Variants in BNC2 observed in about 807,000 individuals in gnomAD.
The protein encoded by BNC2 is zinc finger protein basonuclin-2.
A neutral mutation model predicts 76.3 loss-of-function variants in BNC2; 20 were observed. That is an observed-to-expected ratio of 0.26 (90% CI 0.18 to 0.38). The LOEUF (loss-of-function observed/expected upper bound fraction) is 0.38. BNC2 is among the 10% of genes least tolerant of loss of function. The probability of loss-of-function intolerance (pLI) is 1.00; values close to 1 mark genes in which losing one functional copy is unlikely to be tolerated. For missense variants in BNC2, 1,382 were observed against 1,399.8 expected, an observed-to-expected ratio of 0.99 and a Z score of 0.20; for synonymous variants, 582 against 514.8, an observed-to-expected ratio of 1.13 and a Z score of -1.77.
At chr9:16,808,321 C>T (rs1817961348) in intron 1 of BNC2, among the ~76,000 whole-genome samples, 1 of 151,934 alleles carries the variant, frequency 6.6e-6, no homozygotes, top group Non-Finnish European at 1.5e-5. Context: ...ATTTATTTGA[C>T]AAACAGCAGA....
intron 5 of BNC2, among the ~76,000 whole-genome samples, chr9:16,463,496 C>T (rs559000406): frequency 2.2e-4 from 32 of 142,766 alleles, no homozygotes; most frequent in Non-Finnish European, 3.8e-4. Context: ...CGGGGTTTCA[C>T]CGTTTTAGCC....
rs1296631826 is a variant in BNC2, at chr9:16,437,544, A to G, written c.670-20T>C. ...AGCATCCTAGAGGCCACATCAAAGA[A>G]ACAACAAAGACAAACACAAAAACTT... On this transcript the variant is annotated intron_variant, in intron 5 of 6. Coordinates refer to ENST00000380672, the MANE Select transcript of BNC2 (RefSeq NM_017637.6). 1 of 1,608,274 alleles carries G rather than the reference A, an allele frequency of 6.2e-7. No homozygotes were observed. The highest frequency in any genetic ancestry group is 1.7e-5 in the Admixed American group (1 of 59,944).
chr9:16,602,579 T>A (rs1391961929), intron 3 of BNC2, among the ~76,000 whole-genome samples: 1 of 152,308 alleles, frequency 6.6e-6, no homozygotes. Flanking sequence ...TGCTCCCCAC[T>A]CTATGCCCAC....
intron 1 of BNC2, among the ~76,000 whole-genome samples, chr9:16,740,326 G>A (rs958985739): frequency 2.6e-5 from 4 of 152,164 alleles, no homozygotes; most frequent in Admixed American, 1.3e-4. Context: ...ATGGGGAAAG[G>A]CAGATAGGGA....
chr9:16,794,068 T>C (rs1309334967), intron 1 of BNC2, among the ~76,000 whole-genome samples: 1 of 152,046 alleles, frequency 6.6e-6, no homozygotes. Context: ...GACTTAGTTA[T>C]AGGTTATAAA....
intron 3 of BNC2, among the ~76,000 whole-genome samples, chr9:16,683,893 G>C (rs1822898591): frequency 6.6e-6 from 1 of 152,182 alleles, no homozygotes; most frequent in Non-Finnish European, 1.5e-5. Flanking sequence ...CCACCAAAAT[G>C]ATGATCCACA....
intron 2 of BNC2, among the ~76,000 whole-genome samples, chr9:16,731,612 G>A (rs1366680166): frequency 6.6e-6 from 1 of 152,114 alleles, no homozygotes; most frequent in East Asian, 1.9e-4. Context: ...TCCAAGAAAA[G>A]GAATGCACTA....
At chr9:16,554,627 G>A (rs190706733) in intron 4 of BNC2, among the ~76,000 whole-genome samples, 4 of 152,206 alleles carry the variant, frequency 2.6e-5, no homozygotes, top group Admixed American at 2.6e-4. Context: ...CATTTAGACT[G>A]CAAAAAAGCA....
chr9:16,534,627 G>A (rs114943831), intron 5 of BNC2, among the ~76,000 whole-genome samples: 2 of 152,094 alleles, frequency 1.3e-5, no homozygotes, highest in African/African-American at 2.4e-5. Flanking sequence ...TTGTAGGTAG[G>A]TATACTCTTT....
intron 3 of BNC2, among the ~76,000 whole-genome samples, chr9:16,596,756 G>T (rs940015008): frequency 2.0e-5 from 3 of 152,112 alleles, no homozygotes; most frequent in Non-Finnish European, 4.4e-5. Flanking sequence ...AGAAACAGGA[G>T]CCTTTACCCT....
chr9:16,489,236 G>A (rs1822224360), intron 5 of BNC2, among the ~76,000 whole-genome samples: 1 of 151,904 alleles, frequency 6.6e-6, no homozygotes, highest in Non-Finnish European at 1.5e-5. Context: ...TTTAAAATCT[G>A]GTATTTTACC....
chr9:16,683,731 T>C (rs1287901556), intron 3 of BNC2, among the ~76,000 whole-genome samples: 1 of 152,202 alleles, frequency 6.6e-6, no homozygotes, highest in Non-Finnish European at 1.5e-5. Flanking sequence ...AATATGTATA[T>C]GTACTAGGTA....
chr9:16,569,657 T>C (rs1433503483), intron 4 of BNC2, among the ~76,000 whole-genome samples: 1 of 152,214 alleles, frequency 6.6e-6, no homozygotes, highest in East Asian at 1.9e-4. Context: ...GTTATACTTA[T>C]TCTCCCGCTT....
intron 3 of BNC2, among the ~76,000 whole-genome samples, chr9:16,604,341 CTA>C (rs1326660376): frequency 1.3e-5 from 2 of 152,128 alleles, no homozygotes; most frequent in Non-Finnish European, 2.9e-5. Context: ...CACAGAACTG[CTA>C]TGTTTATTTT....
intron 4 of BNC2, among the ~76,000 whole-genome samples, chr9:16,554,010 G>A (rs1818744727): frequency 2.0e-5 from 3 of 152,098 alleles, no homozygotes; most frequent in Non-Finnish European, 4.4e-5. Flanking sequence ...CCTGAAGGAT[G>A]GTCATCTAAC....
intron 1 of BNC2, among the ~76,000 whole-genome samples, chr9:16,753,271 A>C (rs954464319): frequency 1.6e-4 from 25 of 152,242 alleles, no homozygotes; most frequent in Admixed American, 6.5e-5. Context: ...ATTTCTATAT[A>C]AATTTGATTT....
intron 3 of BNC2, among the ~76,000 whole-genome samples, chr9:16,672,294 C>CA (rs1222930861): frequency 2.0e-5 from 3 of 152,094 alleles, no homozygotes; most frequent in Non-Finnish European, 4.4e-5. Context: ...TCAGGAGATC[C>CA]AGACGGTCCT....
At chr9:16,460,785 T>G (rs909808143) in intron 5 of BNC2, among the ~76,000 whole-genome samples, 1 of 152,088 alleles carries the variant, frequency 6.6e-6, no homozygotes, top group African/African-American at 2.4e-5. Flanking sequence ...TCCCTGATTT[T>G]TAGCGTTATT....
chr9:16,412,232 T>C lies in BNC2; in HGVS notation c.*6757A>G, dbSNP rs894533089. On this transcript the variant is annotated 3_prime_UTR_variant, in exon 7 of 7. Coordinates refer to ENST00000380672, the MANE Select transcript of BNC2 (RefSeq NM_017637.6). Reference sequence around the variant, plus strand: ...TCTTTTTTAGATTGTCAGTCCAGTTTGACAAAAGTTAATCTATCATGTTAC... The same window carrying C: ...TCTTTTTTAGATTGTCAGTCCAGTTCGACAAAAGTTAATCTATCATGTTAC... The C allele has an allele frequency of 2.0e-5, 3 of 152,586 alleles. No individual in the cohort carries two copies. Among genetic ancestry groups the C allele is most frequent in the Non-Finnish European group, 2.9e-5 (2 of 68,038 alleles). 9.5% of individuals were successfully genotyped at this position (152,586 alleles called of 1,614,324 possible). A position where few individuals can be genotyped will look rare whatever the true frequency, so the allele number is the denominator to read the frequency against.
Sources: allele counts gnomAD v4.1 joint callset (sites outside exome capture counted in the v4.1 genomes callset), GRCh38; gene constraint gnomAD v4.1.1; transcripts MANE v1.5; gene names NCBI Gene and HGNC (gene_info 2026-07-23, HGNC 2026-07-21).